DLGAP2: variants seen among roughly 807,000 people sequenced by gnomAD.
The protein encoded by DLGAP2 is DLG associated protein 2, also known as disks large-associated protein 2.
A neutral mutation model predicts 100.3 loss-of-function variants in DLGAP2; 26 were observed. The ratio of observed to expected loss-of-function variants is 0.26; its 90% CI spans 0.19 to 0.36. DLGAP2 has a LOEUF of 0.36. DLGAP2 is among the 10% of genes least tolerant of loss of function. DLGAP2 has a pLI of 1.00. For missense variants in DLGAP2, 1,858 were observed against 1,453.2 expected, an observed-to-expected ratio of 1.28 and a Z score of -4.53; for synonymous variants, 886 against 630.1, an observed-to-expected ratio of 1.41 and a Z score of -6.08.
chr8:1,528,513 T>G lies in DLGAP2; in HGVS notation c.173-20113T>G, dbSNP rs1449642484. ...CCAGGAGCAGCAGCAGCTAGGAACTTGACAGAAATGTAGATTCTCAGGGCC... is the reference window on the plus strand; with the variant it reads ...CCAGGAGCAGCAGCAGCTAGGAACTGGACAGAAATGTAGATTCTCAGGGCC... On this transcript the variant is annotated intron_variant, in intron 4 of 14. Transcript: ENST00000637795. Among the ~76,000 whole-genome samples the G allele has an allele frequency of 5.3e-5, 8 of 152,206 alleles. No homozygotes were observed. In the East Asian group the frequency reaches 1.5e-3, roughly 29 times the overall value.
At chr8:1,522,658 G>T (rs1441312260) in intron 4 of DLGAP2, among the ~76,000 whole-genome samples, 2 of 152,240 alleles carry the variant, frequency 1.3e-5, no homozygotes, top group African/African-American at 4.8e-5. Context: ...CAGAACCTGG[G>T]AGCTGAGTGG....
intron 2 of DLGAP2, among the ~76,000 whole-genome samples, chr8:1,210,778 G>T (rs1798087442): frequency 6.6e-6 from 1 of 151,658 alleles, no homozygotes; most frequent in Non-Finnish European, 1.5e-5. Context: ...TGGATCCTGG[G>T]TCCCTTCCAC....
intron 12 of DLGAP2, among the ~76,000 whole-genome samples, chr8:1,685,922 A>G (rs779234735): frequency 4.6e-5 from 7 of 152,168 alleles, no homozygotes; most frequent in Non-Finnish European, 7.3e-5. Flanking sequence ...AAGACAAAAA[A>G]ACAGCAAATG....
chr8:1,292,752 G>A (rs1230844535), intron 3 of DLGAP2, among the ~76,000 whole-genome samples: 2 of 152,032 alleles, frequency 1.3e-5, no homozygotes, highest in Admixed American at 6.6e-5. Context: ...GTCACATTGT[G>A]TTGCTGTCTC....
intron 3 of DLGAP2, among the ~76,000 whole-genome samples, chr8:1,392,693 G>C (rs1463558358): frequency 6.6e-6 from 1 of 152,212 alleles, no homozygotes; most frequent in South Asian, 2.1e-4. Flanking sequence ...GGCCAGGCCT[G>C]GGTCAGCACA....
At chr8:1,318,189 C>T (rs1563079965) in intron 3 of DLGAP2, among the ~76,000 whole-genome samples, 2 of 152,162 alleles carry the variant, frequency 1.3e-5, no homozygotes, top group South Asian at 4.1e-4. Context: ...CAACAGTCTA[C>T]AAATGGCTTT....
rs973454762 is a variant in DLGAP2 at position 1,169,459 on chromosome 8, C to A, written c.74-89392C>A. 2.6e-5 allele frequency among the ~76,000 whole-genome samples: 4 copies of A among 152,100 alleles called. 1 individual carries two copies. The South Asian group carries it at 6.2e-4, about 24-fold the overall frequency. ...TTGATGGGGATGGCATTGAATCTAT[C>A]AATTACCCTGGGCAATATGGCCATT... On this transcript the variant is annotated intron_variant, in intron 2 of 14. Coordinates refer to ENST00000637795, the MANE Select transcript of DLGAP2 (RefSeq NM_001346810.2).
intron 1 of DLGAP2, among the ~76,000 whole-genome samples, chr8:824,134 G>A (rs989428864): frequency 5.3e-5 from 8 of 151,622 alleles, no homozygotes; most frequent in African/African-American, 1.9e-4. Flanking sequence ...GAATGCAGTG[G>A]TACCATCATG....
intron 1 of DLGAP2, among the ~76,000 whole-genome samples, chr8:873,706 C>T (rs898345159): frequency 6.6e-6 from 1 of 151,988 alleles, no homozygotes. Context: ...TTAGGAAGTA[C>T]CTGCTTTTTT....
intron 3 of DLGAP2, among the ~76,000 whole-genome samples, chr8:1,276,065 A>G (rs951908804): frequency 2.0e-4 from 28 of 139,280 alleles, no homozygotes; most frequent in African/African-American, 7.3e-4. Context: ...ATATAAAAAT[A>G]AATATATAAT....
At chr8:1,065,304 C>T (rs1323382463) in intron 2 of DLGAP2, among the ~76,000 whole-genome samples, 1 of 152,196 alleles carries the variant, frequency 6.6e-6, no homozygotes, top group Non-Finnish European at 1.5e-5. Context: ...TAACAACTGG[C>T]AGTAAAATTC....
chr8:1,088,554 A>G (rs2129040999), intron 2 of DLGAP2, among the ~76,000 whole-genome samples: 1 of 152,284 alleles, frequency 6.6e-6, no homozygotes, highest in African/African-American at 2.4e-5. Context: ...GTGGTGCATC[A>G]TCAGAGATTG....
chr8:1,543,907 C>CT (rs544818739), intron 4 of DLGAP2, among the ~76,000 whole-genome samples: 5,174 of 145,970 alleles, frequency 0.035, 286 homozygotes, highest in African/African-American at 0.12. Flanking sequence ...TCCTTTTTTT[C>CT]TTTTTTTTTT....
intron 6 of DLGAP2, among the ~76,000 whole-genome samples, chr8:1,586,541 G>C (rs1161759341): frequency 1.3e-5 from 2 of 152,166 alleles, no homozygotes; most frequent in Non-Finnish European, 2.9e-5. Flanking sequence ...ACTACCCCGG[G>C]GTCTGCTGGT....
chr8:861,311 A>G (rs1335553522), intron 1 of DLGAP2, among the ~76,000 whole-genome samples: 1 of 152,144 alleles, frequency 6.6e-6, no homozygotes, highest in African/African-American at 2.4e-5. Flanking sequence ...GCCCCTTTTT[A>G]TATAAGGGAC....
chr8:1,055,762 T>C (rs573381245), intron 2 of DLGAP2, among the ~76,000 whole-genome samples: 89 of 152,348 alleles, frequency 5.8e-4, no homozygotes, highest in African/African-American at 2.1e-3. Context: ...TGCTGAGTTT[T>C]CACGGCTCAT....
chr8:1,176,374 C>T (rs1214350552), intron 2 of DLGAP2, among the ~76,000 whole-genome samples: 1 of 152,118 alleles, frequency 6.6e-6, no homozygotes, highest in Non-Finnish European at 1.5e-5. Context: ...GGTGGGGACA[C>T]AGAGCCAAAC....
intron 6 of DLGAP2, among the ~76,000 whole-genome samples, chr8:1,576,176 G>A (rs1303165546): frequency 5.9e-5 from 9 of 152,154 alleles, no homozygotes; most frequent in Non-Finnish European, 1.3e-4. Flanking sequence ...GGTGTGCGAT[G>A]GTGTCTCATT....
At chr8:857,806 C>T (rs531753104) in intron 1 of DLGAP2, among the ~76,000 whole-genome samples, 4 of 152,242 alleles carry the variant, frequency 2.6e-5, no homozygotes, top group African/African-American at 9.6e-5. Flanking sequence ...TGCCGTCTAG[C>T]AGTCAGGCTC....
Sources: allele counts gnomAD v4.1 joint callset (sites outside exome capture counted in the v4.1 genomes callset), GRCh38; gene constraint gnomAD v4.1.1; transcripts MANE v1.5; gene names NCBI Gene and HGNC (gene_info 2026-07-23, HGNC 2026-07-21).